The following CDH23 variants were observed in gnomAD, a reference collection of about 807,000 sequenced individuals.
CDH23 encodes cadherin-23.
CDH23 carries 189 observed loss-of-function variants against 317.1 expected under a neutral mutation model. That is an observed-to-expected ratio of 0.60 (90% CI 0.53 to 0.67). CDH23 has a LOEUF of 0.67. Among genes scored for constraint, CDH23 ranks in the 30% least tolerant of loss-of-function variants. CDH23 has a pLI of 0.00. For synonymous variants in CDH23, 1,839 were observed against 1,876.8 expected, an observed-to-expected ratio of 0.98 and a Z score of 0.52; for missense variants, 4,401 against 4,592.4, an observed-to-expected ratio of 0.96 and a Z score of 1.20.
intron 3 of CDH23, among the ~76,000 whole-genome samples, chr10:71,503,049 G>A (rs202247651): frequency 1.3e-5 from 2 of 152,348 alleles, no homozygotes; most frequent in East Asian, 3.9e-4. Context: ...TCATCTCAGC[G>A]ATCAGCATGG....
chr10:71,535,530 CAG>C (rs1168204961), intron 6 of CDH23, among the ~76,000 whole-genome samples: 1 of 152,230 alleles, frequency 6.6e-6, no homozygotes, highest in Non-Finnish European at 1.5e-5. Flanking sequence ...TGAGGCCACT[CAG>C]GGGGTCTGAA....
intron 9 of CDH23, among the ~76,000 whole-genome samples, chr10:71,604,931 C>T (rs576004055): frequency 3.3e-5 from 5 of 152,350 alleles, no homozygotes; most frequent in African/African-American, 1.2e-4. Flanking sequence ...GGGAAAGGCC[C>T]CTGCCCTCAG....
intron 46 of CDH23, chr10:71,790,693 C>A: frequency 2.0e-6 from 1 of 507,024 alleles, no homozygotes; most frequent in Admixed American, 3.3e-5. Context: ...GTCATCTCCC[C>A]ATGCGCAGGC....
At chr10:71,773,305 G>A in intron 38 of CDH23, 1 of 1,544,936 alleles carries the variant, frequency 6.5e-7, no homozygotes, top group Admixed American at 1.9e-5. Context: ...TCCCACTCCA[G>A]TCTGCTGTCT....
At chr10:71,469,606 C>T (rs1197487502) in intron 3 of CDH23, among the ~76,000 whole-genome samples, 1 of 122,216 alleles carries the variant, frequency 8.2e-6, no homozygotes, top group African/African-American at 3.3e-5. Flanking sequence ...ACATTTGTGT[C>T]CCCCCCTTGT....
At chr10:71,674,325 C>T (rs2132662850) in intron 14 of CDH23, among the ~76,000 whole-genome samples, 1 of 152,278 alleles carries the variant, frequency 6.6e-6, no homozygotes, top group East Asian at 1.9e-4. Flanking sequence ...TTAAAAGGAA[C>T]CTCAAAAATA....
Position 71,675,168 on chromosome 10 carries a change from C to T in CDH23, c.1506C>T (p.Asp502=), listed in dbSNP as rs751045559. 2.7e-5 allele frequency: 44 copies of T among 1,613,604 alleles called. No homozygotes were observed. Among genetic ancestry groups the T allele is most frequent in the Non-Finnish European group, 3.6e-5 (43 of 1,179,642 alleles). Reference sequence around the variant, plus strand: ...AAGTCAGCTACTTCTTCAGTGATGACCCTGACAGGTGAGACTCTGCCCACA... The same window carrying T: ...AAGTCAGCTACTTCTTCAGTGATGATCCTGACAGGTGAGACTCTGCCCACA... ...FGEVSYFFSD[D]PDRFSLDKDT... The change falls in exon 15 of 70, where the codon GAC becomes GAT. Residue 502 remains aspartate, a synonymous_variant. Transcript: ENST00000224721.
chr10:71,543,282 T>C (rs534650720), intron 6 of CDH23, among the ~76,000 whole-genome samples: 1 of 152,324 alleles, frequency 6.6e-6, no homozygotes, highest in South Asian at 2.1e-4. Flanking sequence ...ACCCTCATCC[T>C]CAGGCCTGTT....
intron 8 of CDH23, among the ~76,000 whole-genome samples, chr10:71,576,177 C>T (rs1301622639): frequency 3.9e-5 from 6 of 152,226 alleles, no homozygotes; most frequent in African/African-American, 1.4e-4. Context: ...CACCAGCCCC[C>T]TCGTGTCTCC....
intron 46 of CDH23, chr10:71,790,778 C>A: frequency 2.2e-6 from 1 of 459,930 alleles, no homozygotes; most frequent in South Asian, 2.6e-5. Context: ...CATGCCACAT[C>A]CGTCTGGTCC....
At chr10:71,652,577 C>A (rs1261113202) in intron 14 of CDH23, among the ~76,000 whole-genome samples, 1 of 152,230 alleles carries the variant, frequency 6.6e-6, no homozygotes, top group Non-Finnish European at 1.5e-5. Context: ...CTGGACAAGA[C>A]ACCGGGCCTC....
chr10:71,643,128 C>T (rs1358394872), intron 11 of CDH23, among the ~76,000 whole-genome samples: 3 of 152,202 alleles, frequency 2.0e-5, no homozygotes, highest in Admixed American at 1.3e-4. Context: ...GGACCAATCA[C>T]CAAGATGTAG....
intron 38 of CDH23, among the ~76,000 whole-genome samples, chr10:71,774,509 G>A (rs1293906286): frequency 2.0e-5 from 3 of 152,256 alleles, no homozygotes; most frequent in East Asian, 1.9e-4. Context: ...TTCTTCTTCC[G>A]GCTGTTCTGC....
At chr10:71,576,977 C>G (rs915790636) in intron 8 of CDH23, among the ~76,000 whole-genome samples, 3 of 152,196 alleles carry the variant, frequency 2.0e-5, no homozygotes, top group African/African-American at 7.2e-5. Flanking sequence ...GCTCTGCCTT[C>G]TGCCCAGAGC....
chr10:71,480,270 C>T (rs1589121913), intron 3 of CDH23, among the ~76,000 whole-genome samples: 1 of 152,248 alleles, frequency 6.6e-6, no homozygotes, highest in African/African-American at 2.4e-5. Context: ...GTCTGCAGCG[C>T]GTCTGCCCAC....
At chr10:71,684,856 G>GAACA (rs1864810235) in intron 18 of CDH23, among the ~76,000 whole-genome samples, 4 of 152,316 alleles carry the variant, frequency 2.6e-5, no homozygotes, top group African/African-American at 9.6e-5. Flanking sequence ...CTAGCCCGGG[G>GAACA]CTAGACAGGC....
intron 8 of CDH23, among the ~76,000 whole-genome samples, chr10:71,574,695 TCCA>T (rs1858056840): frequency 6.6e-6 from 1 of 152,112 alleles, no homozygotes; most frequent in Non-Finnish European, 1.5e-5. Flanking sequence ...GGCTCCTGTG[TCCA>T]CGGCTTTCCT....
At chr10:71,812,096 C>A in intron 66 of CDH23, 81 bp downstream of exon 66, 1 of 1,609,488 alleles carries the variant, frequency 6.2e-7, no homozygotes, top group Non-Finnish European at 8.5e-7. Flanking sequence ...AGTCTCCCAG[C>A]GCTGGGGCTG....
At chr10:71,687,869 G>T in intron 19 of CDH23, 150 bp downstream of exon 19, 1 of 744,978 alleles carries the variant, frequency 1.3e-6, no homozygotes, top group Non-Finnish European at 2.3e-6. Context: ...ACAAATCGGG[G>T]AGCCTTTGGA....
Sources: allele counts gnomAD v4.1 joint callset (sites outside exome capture counted in the v4.1 genomes callset), GRCh38; gene constraint gnomAD v4.1.1; transcripts MANE v1.5; gene names NCBI Gene and HGNC (gene_info 2026-07-23, HGNC 2026-07-21).